GSE1: variants seen among roughly 807,000 people sequenced by gnomAD.
The protein encoded by GSE1 is Gse1 coiled-coil protein.
GSE1 carries 32 observed loss-of-function variants against 112.6 expected under a neutral mutation model. The observed-to-expected ratio is 0.28, with a 90% confidence interval of 0.21 to 0.38. GSE1 has a LOEUF of 0.38. Ranked by LOEUF, GSE1 falls within the 10% of genes least tolerant of loss-of-function variation. The pLI, the probability that GSE1 is intolerant of heterozygous loss-of-function variation, is 1.00. For missense variants in GSE1, 2,348 were observed against 1,699.2 expected (o/e 1.38, Z -6.71); for synonymous variants, 1,115 against 735.6 (o/e 1.52, Z -8.35).
chr16:85,578,963 G>A (rs1330471908), intron 1 of GSE1, among the ~76,000 whole-genome samples: 3 of 152,034 alleles, frequency 2.0e-5, no homozygotes, highest in Non-Finnish European at 4.4e-5. Context: ...GTTCTCTGTG[G>A]CATCCTGATG....
chr16:85,336,223 A>G (rs1364257012), intron 1 of GSE1, among the ~76,000 whole-genome samples: 4 of 152,192 alleles, frequency 2.6e-5, no homozygotes, highest in African/African-American at 9.6e-5. Flanking sequence ...CCCTCCTGAC[A>G]TGCGCCACTC....
At chr16:85,450,337 C>T (rs1053089756) in intron 2 of GSE1, among the ~76,000 whole-genome samples, 4 of 151,394 alleles carry the variant, frequency 2.6e-5, no homozygotes, top group Admixed American at 6.6e-5. Context: ...AGGCTGGTCT[C>T]GAACTCCCGA....
chr16:85,618,569 C>T (rs866739100), intron 1 of GSE1, among the ~76,000 whole-genome samples: 6 of 152,220 alleles, frequency 3.9e-5, no homozygotes, highest in African/African-American at 1.2e-4. Context: ...TCACCTGTAT[C>T]CTGAGGCTGT....
chr16:85,453,841 C>A (rs2049751594), intron 2 of GSE1, among the ~76,000 whole-genome samples: 1 of 152,202 alleles, frequency 6.6e-6, no homozygotes, highest in Non-Finnish European at 1.5e-5. Context: ...TTGCTTGGCA[C>A]TCTTGGACCT....
chr16:85,471,732 G>A (rs938305910), intron 2 of GSE1, among the ~76,000 whole-genome samples: 16 of 151,074 alleles, frequency 1.1e-4, no homozygotes, highest in African/African-American at 3.7e-4. Context: ...ACTTTTTTTC[G>A]ATGATCTCGC....
intron 2 of GSE1, among the ~76,000 whole-genome samples, chr16:85,447,977 A>G (rs2049560770): frequency 6.6e-6 from 1 of 152,170 alleles, no homozygotes; most frequent in African/African-American, 2.4e-5. Context: ...GGCTTAGTGT[A>G]GGGGACAGGA....
intron 1 of GSE1, among the ~76,000 whole-genome samples, chr16:85,176,480 G>A (rs576533676): frequency 6.6e-6 from 1 of 152,372 alleles, no homozygotes; most frequent in South Asian, 2.1e-4. Flanking sequence ...GGCTTCCCCA[G>A]TGTGGACCAT....
chr16:85,286,558 T>G (rs2045031405), intron 1 of GSE1, among the ~76,000 whole-genome samples: 1 of 152,204 alleles, frequency 6.6e-6, no homozygotes, highest in South Asian at 2.1e-4. Context: ...CCCGGAGGAC[T>G]GGGGACTGTG....
intron 3 of GSE1, among the ~76,000 whole-genome samples, 186 bp from the exon 4 acceptor site, chr16:85,654,092 C>T (rs1006090349): frequency 1.3e-5 from 2 of 152,288 alleles, no homozygotes; most frequent in Middle Eastern, 3.4e-3. Flanking sequence ...AGCCACATCC[C>T]CTTTCTTACG....
At chr16:85,633,067 C>G (rs1043261452) in intron 1 of GSE1, among the ~76,000 whole-genome samples, 2 of 152,232 alleles carry the variant, frequency 1.3e-5, no homozygotes, top group African/African-American at 4.8e-5. Flanking sequence ...TCAGCCGTTG[C>G]TGCGCCAGGT....
intron 1 of GSE1, among the ~76,000 whole-genome samples, chr16:85,214,986 G>C (rs2075285405): frequency 6.6e-6 from 1 of 152,212 alleles, no homozygotes; most frequent in African/African-American, 2.4e-5. Flanking sequence ...GGTGGGTGGA[G>C]ACACAATGCC....
chr16:85,224,301 CAAAAAAAAAAAAAA>C (rs55755242), intron 1 of GSE1, among the ~76,000 whole-genome samples: 2 of 38,814 alleles, frequency 5.2e-5, no homozygotes, highest in Non-Finnish European at 8.5e-5. Context: ...ACTAAAAATA[CAAAAAAAAAAAAAA>C]AAAAAAAAAA....
chr16:85,216,642 C>T (rs1389602046), intron 1 of GSE1, among the ~76,000 whole-genome samples: 3 of 152,154 alleles, frequency 2.0e-5, no homozygotes, highest in Non-Finnish European at 4.4e-5. Context: ...GAAATTGAGG[C>T]ACAGGGAGGT....
intron 2 of GSE1, among the ~76,000 whole-genome samples, chr16:85,637,878 G>A (rs561975325): frequency 9.2e-5 from 14 of 152,316 alleles, no homozygotes; most frequent in African/African-American, 2.9e-4. Context: ...TCAGCGGCCC[G>A]CAGCCAGGGC....
chr16:85,650,557 C>G (rs901128873), intron 3 of GSE1, among the ~76,000 whole-genome samples: 2 of 152,222 alleles, frequency 1.3e-5, no homozygotes, highest in Non-Finnish European at 1.5e-5. Context: ...TGAGCTGGTC[C>G]CTCCTCGGAG....
At chr16:85,527,550 G>T (rs531107069) in intron 2 of GSE1, among the ~76,000 whole-genome samples, 2 of 152,256 alleles carry the variant, frequency 1.3e-5, no homozygotes, top group Non-Finnish European at 2.9e-5. Flanking sequence ...CTGGGGAGGC[G>T]GTTACTTCCT....
chr16:85,460,565 T>C (rs773341623), intron 2 of GSE1, among the ~76,000 whole-genome samples: 2 of 152,196 alleles, frequency 1.3e-5, no homozygotes, highest in Non-Finnish European at 2.9e-5. Flanking sequence ...AGGCAGAAAG[T>C]GGGCGACGTC....
chr16:85,660,435 G>T (rs1008836596), intron 8 of GSE1, among the ~76,000 whole-genome samples: 1 of 152,090 alleles, frequency 6.6e-6, no homozygotes, highest in Non-Finnish European at 1.5e-5. Flanking sequence ...TCAGGAATTC[G>T]AGAGCAGTCT....
intron 1 of GSE1, among the ~76,000 whole-genome samples, chr16:85,323,722 G>A (rs1161823847): frequency 1.3e-5 from 2 of 152,202 alleles, no homozygotes; most frequent in African/African-American, 2.4e-5. Flanking sequence ...CGGCCCCAAG[G>A]GGGGCAACTG....
Sources: allele counts gnomAD v4.1 joint callset (sites outside exome capture counted in the v4.1 genomes callset), GRCh38; gene constraint gnomAD v4.1.1; transcripts MANE v1.5; gene names NCBI Gene and HGNC (gene_info 2026-07-23, HGNC 2026-07-21).